TMEM25: variants seen among roughly 807,000 people sequenced by gnomAD.
The protein encoded by TMEM25 is 0610039J01Rik.
Under a neutral mutation model 37.0 loss-of-function variants are expected in TMEM25, and 36 were observed. The ratio of observed to expected loss-of-function variants is 0.97; its 90% CI spans 0.75 to 1.28. The LOEUF (loss-of-function observed/expected upper bound fraction) is 1.28, where lower values mean the gene tolerates loss of function less well. TMEM25 is among the 50% of genes most tolerant of loss of function. TMEM25 has a pLI of 0.00. For missense variants in TMEM25, 444 were observed against 477.9 expected, an observed-to-expected ratio of 0.93 and a Z score of 0.66; for synonymous variants, 197 against 203.7, an observed-to-expected ratio of 0.97 and a Z score of 0.28.
chr11:118,538,738 C>T (rs1324106742), downstream of TMEM25, among the ~76,000 whole-genome samples: 1 of 151,794 alleles, frequency 6.6e-6, no homozygotes, highest in Admixed American at 6.6e-5. Context: ...ACTAAAAATA[C>T]AAAAAATAGC....
chr11:118,539,417 T>C (rs1951550099), downstream of TMEM25, among the ~76,000 whole-genome samples: 1 of 152,044 alleles, frequency 6.6e-6, no homozygotes, highest in South Asian at 2.1e-4. Flanking sequence ...CCACCTGCCT[T>C]GGCCTCCCAA....
chr11:118,533,999 T>C (rs1951421352), intron 6 of TMEM25, 30 bp from the exon 7 acceptor site: 11 of 1,613,842 alleles, frequency 6.8e-6, no homozygotes, highest in African/African-American at 1.3e-5. Flanking sequence ...CCGGGACTCA[T>C]ATCCATCCCG....
chr11:118,541,559 A>G (rs1951579716), intron 8 of TMEM25, among the ~76,000 whole-genome samples: 1 of 151,976 alleles, frequency 6.6e-6, no homozygotes, highest in South Asian at 2.1e-4. Flanking sequence ...AAACTGGGTC[A>G]TTTATTAAAA....
chr11:118,539,728 T>C (rs983824894), downstream of TMEM25, among the ~76,000 whole-genome samples: 1 of 152,044 alleles, frequency 6.6e-6, no homozygotes, highest in Non-Finnish European at 1.5e-5. Context: ...TTTTTCTTTA[T>C]TTTAATTTTT....
At chr11:118,532,889 G>T in intron 3 of TMEM25, 28 bp from the exon 4 acceptor site, 1 of 1,595,084 alleles carries the variant, frequency 6.3e-7, no homozygotes, top group South Asian at 1.1e-5. Flanking sequence ...GCTGTGGTGA[G>T]AGCATATTGG....
At position 118,532,443 on chromosome 11, in the gene TMEM25, G is replaced by A. The variant is rs782227773; in HGVS notation, c.364G>A (p.Val122Ile). The A allele has an allele frequency of 1.2e-6, 2 of 1,613,212 alleles. No homozygotes were observed. Among genetic ancestry groups the A allele is most frequent in the South Asian group, 1.1e-5 (1 of 90,982 alleles). The change falls in exon 3 of 9, where the codon GTC becomes ATC. Residue 122 changes from valine to isoleucine, a missense_variant. Val to Ile is a conservative substitution (Grantham distance 29, BLOSUM62 3). Transcript: ENST00000313236. The stretch of plus-strand genomic sequence containing the variant: ...AAGTGGCCGATCAGCCAACGCCTCT[G>A]TCATCCTTAATGTGCAATGTGAGTG... The part of the protein sequence containing the change: ...PRSGRSANAS[V>I]ILNVQFKPEI...
intron 8 of TMEM25, among the ~76,000 whole-genome samples, chr11:118,542,054 C>T (rs879988991): frequency 6.6e-6 from 1 of 152,194 alleles, no homozygotes; most frequent in Non-Finnish European, 1.5e-5. Flanking sequence ...CTGTGCCTGG[C>T]CTTTTTAGCT....
In TMEM25 at chr11:118,533,904, C is replaced by T; in HGVS notation, c.836+17C>T. The T allele has an allele frequency of 1.2e-6, 2 of 1,614,128 alleles. No homozygotes were observed. The highest frequency in any genetic ancestry group is 1.7e-6 in the Non-Finnish European group (2 of 1,180,004). On this transcript the variant is annotated intron_variant, in intron 6 of 8. Coordinates refer to ENST00000313236, the MANE Select transcript of TMEM25 (RefSeq NM_032780.4). The stretch of plus-strand genomic sequence containing the variant: ...GATATCAAGGTAACTCTTCCTTGGG[C>T]TGGGTGGACAAGCCTAACCGAAATG...
In TMEM25 at chr11:118,534,554, G is replaced by A. The variant is rs546940760; in HGVS notation, c.1075G>A (p.Val359Met). The A allele has an allele frequency of 1.8e-5, 29 of 1,614,186 alleles. No homozygotes were observed. The Middle Eastern group carries it at 5.0e-4, about 28-fold the overall frequency. ...VLGYIYRVSS[V>M]SSDEIWL ...GGGCTATATCTATCGAGTGTCCAGCGTGAGCAGTGATGAGATCTGGCTCTG... is the reference window on the plus strand; with the variant it reads ...GGGCTATATCTATCGAGTGTCCAGCATGAGCAGTGATGAGATCTGGCTCTG... Residue 359 changes from valine (V) to methionine (M), a missense_variant, in exon 9 of 9, where the codon GTG (valine) becomes ATG (methionine). Coordinates refer to ENST00000313236, the MANE Select transcript of TMEM25 (RefSeq NM_032780.4). The surrounding 1 kb of genome is among the most constrained non-coding windows in gnomAD (Gnocchi z 4.6).
Position 118,533,514 on chromosome 11 carries a change from G to A in TMEM25, c.768G>A (p.Val256=). The change falls in exon 5 of 9, where the codon GTG becomes GTA. Residue 256 remains valine (V), a synonymous_variant. Transcript: ENST00000313236. ...CCCTCGTGGGGTTCAGCACCTTGGT[G>A]GCCTGCCTGGTCTGCAGAAAAGAGA... ...LGTLVGFSTL[V]ACLVCRKEKK... 6.2e-7 allele frequency: 1 copy of A among 1,614,186 alleles called. No homozygotes were observed.
Position 118,535,354 on chromosome 11 carries a change from A to G in TMEM25, c.*774A>G. 1 of 1,397,186 alleles carries G rather than the reference A, an allele frequency of 7.2e-7. No individual in the cohort carries two copies. Among genetic ancestry groups the G allele is most frequent in the Middle Eastern group, 2.6e-4 (1 of 3,776 alleles). 86.5% of individuals were successfully genotyped at this position (1,397,186 alleles called of 1,614,324 possible). ...CACCCAGGACGGCTTGTAGCTATGC[A>G]TCATTTTCCTACGGCGTTAGCACTT... On this transcript the variant is annotated 3_prime_UTR_variant, in exon 9 of 9. Transcript: ENST00000313236.
chr11:118,536,080 G>C (rs929034173), downstream of TMEM25, among the ~76,000 whole-genome samples: 9 of 152,020 alleles, frequency 5.9e-5, no homozygotes, highest in African/African-American at 2.2e-4. Flanking sequence ...GTTTTACCAT[G>C]TTGGCCAGAC....
intron 8 of TMEM25, among the ~76,000 whole-genome samples, chr11:118,543,568 A>C (rs903693956): frequency 1.3e-5 from 2 of 151,862 alleles, no homozygotes; most frequent in African/African-American, 4.8e-5. Context: ...GCTCGCTGCA[A>C]CTGCCACCTC....
At chr11:118,533,803 G>A in intron 5 of TMEM25, 54 bp from the exon 6 acceptor site, 1 of 1,613,016 alleles carries the variant, frequency 6.2e-7, no homozygotes, top group Non-Finnish European at 8.5e-7. Flanking sequence ...GGGTAGGACA[G>A]CCCAGCGTGG....
At chr11:118,533,919 T>C (rs782515886) in intron 6 of TMEM25, 32 bp downstream of exon 6, 8 of 1,613,958 alleles carry the variant, frequency 5.0e-6, no homozygotes, top group Non-Finnish European at 5.9e-6. Flanking sequence ...TGGACAAGCC[T>C]AACCGAAATG....
In TMEM25 at chr11:118,535,720, G is replaced by A; in HGVS notation, c.*1140G>A. 2.1e-6 allele frequency: 3 copies of A among 1,409,496 alleles called. No individual in the cohort carries two copies. Among genetic ancestry groups the A allele is most frequent in the Non-Finnish European group, 2.8e-6 (3 of 1,083,654 alleles). 87.3% of individuals were successfully genotyped at this position (1,409,496 alleles called of 1,614,324 possible). ...ATGTAAATGATTGGAAATTAATATA[G>A]TACAGAATATATTTTTCCCTTGTTG... On this transcript the variant is annotated 3_prime_UTR_variant, in exon 9 of 9. Coordinates refer to ENST00000313236, the MANE Select transcript of TMEM25 (RefSeq NM_032780.4).
chr11:118,532,399 G>A lies in TMEM25; in HGVS notation c.320G>A (p.Cys107Tyr), dbSNP rs781827618. Residue 107 changes from cysteine (C) to tyrosine (Y), a missense_variant, in exon 3 of 9, where the codon TGC becomes TAC. Physicochemically the swap from Cys to Tyr is radical, Grantham distance 194. Coordinates refer to ENST00000313236, the MANE Select transcript of TMEM25 (RefSeq NM_032780.4). ...CATCGGGCCCAGCATGAGCTCAACTGCTCTCTGCAGGACCCCAGAAGTGGC... is the reference window on the plus strand; with the variant it reads ...CATCGGGCCCAGCATGAGCTCAACTACTCTCTGCAGGACCCCAGAAGTGGC... ...TAHRAQHELN[C>Y]SLQDPRSGRS... 2.5e-6 allele frequency: 4 copies of A among 1,614,198 alleles called. 1 individual carries two copies. In the South Asian group the frequency reaches 4.4e-5, roughly 18 times the overall value.
At chr11:118,536,526 T>C (rs538105483), downstream of TMEM25, among the ~76,000 whole-genome samples, 4 of 152,260 alleles carry the variant, frequency 2.6e-5, no homozygotes, top group East Asian at 5.8e-4. Context: ...TTTTCCAGTC[T>C]CACAGTGGAA....
At chr11:118,546,381 C>T (rs1555067161) in exon 9 of TMEM25, 8 of 499,226 alleles carry the variant, frequency 1.6e-5, no homozygotes, top group African/African-American at 3.9e-5. Flanking sequence ...GTCCCAGCTA[C>T]TTGGGAGGCT....
Sources: allele counts gnomAD v4.1 joint callset (sites outside exome capture counted in the v4.1 genomes callset), GRCh38; gene constraint gnomAD v4.1.1; non-coding constraint Gnocchi (gnomAD v3.1); transcripts MANE v1.5; gene names NCBI Gene and HGNC (gene_info 2026-07-23, HGNC 2026-07-21).